ZHX3: variants seen among roughly 807,000 people sequenced by gnomAD.
ZHX3 encodes zinc fingers and homeoboxes 3, also known as zinc fingers and homeoboxes protein 3.
ZHX3 carries 20 observed loss-of-function variants against 64.5 expected under a neutral mutation model. The ratio of observed to expected loss-of-function variants is 0.31; its 90% confidence interval spans 0.22 to 0.45. The LOEUF is 0.45. ZHX3 is among the 20% of genes least tolerant of loss of function. The pLI, the probability that ZHX3 is intolerant of heterozygous loss-of-function variation, is 1.00. For synonymous variants in ZHX3, 423 were observed against 461.6 expected (o/e 0.92, Z 1.07); for missense variants, 1,041 against 1,195.8 (o/e 0.87, Z 1.91).
intron 2 of ZHX3, among the ~76,000 whole-genome samples, chr20:41,265,611 T>C (rs1215344299): frequency 1.3e-5 from 2 of 152,164 alleles, no homozygotes; most frequent in Non-Finnish European, 2.9e-5. Flanking sequence ...GCTTTTTAAA[T>C]GTTGATGTCC....
chr20:41,235,493 T>G (rs899293665), intron 2 of ZHX3, among the ~76,000 whole-genome samples: 2 of 152,144 alleles, frequency 1.3e-5, no homozygotes, highest in East Asian at 1.9e-4. Context: ...ATGTAATCCA[T>G]CATATAAACA....
chr20:41,194,413 G>A (rs2037312179), intron 3 of ZHX3, among the ~76,000 whole-genome samples: 1 of 152,074 alleles, frequency 6.6e-6, no homozygotes, highest in African/African-American at 2.4e-5. Flanking sequence ...TGCATTGCAG[G>A]GATAGATCCC....
intron 2 of ZHX3, among the ~76,000 whole-genome samples, chr20:41,252,524 A>G (rs1414906530): frequency 6.6e-6 from 1 of 152,172 alleles, no homozygotes; most frequent in African/African-American, 2.4e-5. Flanking sequence ...CCAGAAGAGG[A>G]AAGTCTTCAT....
chr20:41,302,053 C>CAAAAAAAAAA lies in ZHX3; in HGVS notation c.-245+15446_-245+15455dup, dbSNP rs555883542. Among the ~76,000 whole-genome samples the CAAAAAAAAAA allele has an allele frequency of 2.9e-4, 18 of 62,372 alleles. 1 individual carries two copies. The highest frequency in any genetic ancestry group is 9.7e-4 in the East Asian group (2 of 2,068). The allele number at this position is 62,372 out of a possible 152,430, so 40.9% of individuals were successfully genotyped here. A position where few individuals can be genotyped will look rare whatever the true frequency, so the allele number is the denominator to read the frequency against. ...TGGGCGACGGAGCGAGACTCCATCT[C>CAAAAAAAAAA]AAAAAAAAAAAAAAAAAAAAAAAAA... On this transcript the variant is annotated intron_variant, in intron 1 of 3. Transcript: ENST00000683867.
intron 2 of ZHX3, among the ~76,000 whole-genome samples, chr20:41,256,643 A>G (rs933758420): frequency 6.7e-6 from 1 of 148,944 alleles, no homozygotes; most frequent in Non-Finnish European, 1.5e-5. Context: ...TGTATCTAGC[A>G]TGCCCAGCCT....
chr20:41,302,227 G>A (rs2146813402), intron 1 of ZHX3, among the ~76,000 whole-genome samples: 1 of 152,264 alleles, frequency 6.6e-6, no homozygotes, highest in South Asian at 2.1e-4. Context: ...AAAAGACCCA[G>A]GCCCTAGCTC....
chr20:41,278,421 G>A (rs1174070127), intron 1 of ZHX3, among the ~76,000 whole-genome samples: 2 of 140,308 alleles, frequency 1.4e-5, no homozygotes, highest in African/African-American at 2.7e-5. Context: ...GATAAGCACT[G>A]TCAACATTCT....
At chr20:41,282,326 A>G (rs563652781) in intron 1 of ZHX3, among the ~76,000 whole-genome samples, 128 of 147,712 alleles carry the variant, frequency 8.7e-4, no homozygotes, top group African/African-American at 3.0e-3. Context: ...ACACTGGAGA[A>G]GTAATGTCTT....
chr20:41,202,304 C>T lies in ZHX3; in HGVS notation c.2613G>A (p.Lys871=), dbSNP rs1265834054. ...TGACCTGCTGGGAGCTCATCTGGGT[C>T]TTGTCACAGAGGTTCTGCAGGTCCT... is the stretch of plus-strand genomic sequence containing the variant. ...YEEDLQNLCD[K]TQMSSQQVKQ... is the part of the protein sequence containing the mutation. Residue 871 remains lysine, a synonymous_variant, in exon 3 of 4, where the codon AAG becomes AAA. Transcript: ENST00000683867. The surrounding 1 kb of genome is among the most constrained non-coding windows in gnomAD (Gnocchi z 7.0). 3 of 1,614,198 alleles carry T rather than the reference C, an allele frequency of 1.9e-6. No individual in the cohort carries two copies. Among genetic ancestry groups the T allele is most frequent in the Non-Finnish European group, 2.5e-6 (3 of 1,180,028 alleles).
chr20:41,230,540 G>A (rs892604395), intron 2 of ZHX3, among the ~76,000 whole-genome samples: 1 of 152,128 alleles, frequency 6.6e-6, no homozygotes, highest in Non-Finnish European at 1.5e-5. Flanking sequence ...TGTGAATTGA[G>A]ATGTACTGTA....
intron 2 of ZHX3, among the ~76,000 whole-genome samples, chr20:41,207,863 A>C (rs1211899385): frequency 3.9e-5 from 6 of 152,236 alleles, no homozygotes; most frequent in African/African-American, 1.4e-4. Flanking sequence ...ACTGAAGGAG[A>C]TAGAGACACA....
chr20:41,313,485 A>G lies in ZHX3; in HGVS notation c.-245+4024T>C, dbSNP rs73265540. 3.1e-3 allele frequency among the ~76,000 whole-genome samples: 465 copies of G among 152,322 alleles called. 6 individuals carry two copies. Among genetic ancestry groups the G allele is most frequent in the African/African-American group, 0.011 (447 of 41,568 alleles). ...TCAAAAATCACGTTGATAATTTAAA[A>G]CTGAACATGGTAACACAGCCCACAC... On this transcript the variant is annotated intron_variant, in intron 1 of 3. Transcript: ENST00000683867.
intron 2 of ZHX3, among the ~76,000 whole-genome samples, chr20:41,265,573 C>T (rs2042802425): frequency 6.6e-6 from 1 of 152,106 alleles, no homozygotes. Context: ...GGTCCTCAAG[C>T]TTGAGTGCAC....
chr20:41,282,429 G>C (rs141867876), intron 1 of ZHX3, among the ~76,000 whole-genome samples: 43 of 137,356 alleles, frequency 3.1e-4, no homozygotes, highest in Admixed American at 4.9e-4. Flanking sequence ...CGCTATCTTG[G>C]CTCACTGCAA....
chr20:41,189,114 T>A lies in ZHX3; in HGVS notation c.2861-3913A>T, dbSNP rs4390821. Among the ~76,000 whole-genome samples, 705 of 152,338 alleles carry A rather than the reference T, an allele frequency of 4.6e-3. 8 individuals are homozygous for A. Among genetic ancestry groups the A allele is most frequent in the African/African-American group, 0.015 (642 of 41,576 alleles). On this transcript the variant is annotated intron_variant, in intron 3 of 3. Coordinates refer to ENST00000683867, the MANE Select transcript of ZHX3 (RefSeq NM_001384317.1). Reference sequence around the variant, plus strand: ...AAGAGGGTGTCCTTTCCTCATTGCATGTTCTTGGCACCTTTGTTGAAAATC... The same window carrying A: ...AAGAGGGTGTCCTTTCCTCATTGCAAGTTCTTGGCACCTTTGTTGAAAATC...
intron 2 of ZHX3, among the ~76,000 whole-genome samples, chr20:41,258,280 T>C (rs925226124): frequency 6.6e-6 from 1 of 152,224 alleles, no homozygotes; most frequent in African/African-American, 2.4e-5. Flanking sequence ...TTTCCATATA[T>C]CCTGGCCCCA....
At chr20:41,244,384 C>A (rs1043527882) in intron 2 of ZHX3, among the ~76,000 whole-genome samples, 1 of 152,136 alleles carries the variant, frequency 6.6e-6, no homozygotes, top group East Asian at 1.9e-4. Context: ...TTAAAGCAAA[C>A]GGAGGGTCAG....
intron 1 of ZHX3, among the ~76,000 whole-genome samples, chr20:41,307,321 C>G (rs998102625): frequency 2.0e-5 from 3 of 152,194 alleles, no homozygotes; most frequent in African/African-American, 7.2e-5. Context: ...GGTGAGTATT[C>G]AAAAGTCCTG....
chr20:41,273,484 TTA>T (rs1449367917), intron 1 of ZHX3, among the ~76,000 whole-genome samples: 1 of 152,204 alleles, frequency 6.6e-6, no homozygotes, highest in Non-Finnish European at 1.5e-5. Context: ...TTCTAAGAGT[TTA>T]TAGTCTTAAC....
Sources: allele counts gnomAD v4.1 joint callset (sites outside exome capture counted in the v4.1 genomes callset), GRCh38; gene constraint gnomAD v4.1.1; non-coding constraint Gnocchi (gnomAD v3.1); transcripts MANE v1.5; gene names NCBI Gene and HGNC (gene_info 2026-07-23, HGNC 2026-07-21).